The following C2orf76 variants were observed in gnomAD, a reference collection of about 807,000 sequenced individuals.
C2orf76 encodes the protein chromosome 2 open reading frame 76, also known as UPF0538 protein C2orf76.
Under a neutral mutation model 16.9 loss-of-function variants are expected in C2orf76, and 23 were observed. The ratio of observed to expected loss-of-function variants is 1.36; its 90% CI spans 0.98 to 1.93. The LOEUF is 1.93. Ranked by LOEUF, C2orf76 falls within the 30% of genes most tolerant of loss-of-function variation. The pLI is 0.00. For missense variants in C2orf76, 152 were observed against 152.6 expected, an observed-to-expected ratio of 1.00 and a Z score of 0.02; for synonymous variants, 48 against 52.3, an observed-to-expected ratio of 0.92 and a Z score of 0.35.
chr2:119,316,776 T>C (rs1210220608), intron 4 of C2orf76, among the ~76,000 whole-genome samples: 1 of 152,228 alleles, frequency 6.6e-6, no homozygotes, highest in Non-Finnish European at 1.5e-5. Flanking sequence ...GGAAGATTAC[T>C]GCTTTAATGA....
chr2:119,302,343 A>G lies in C2orf76; in HGVS notation c.*129T>C. On this transcript the variant is annotated 3_prime_UTR_variant, in exon 6 of 6. Coordinates refer to ENST00000334816, the MANE Select transcript of C2orf76 (RefSeq NM_001322331.2). ...AGGAAAGACCTGAAGAGAAAGAAATAACCAGATTTTAGCTCAAAGAGTATA... is the reference window on the plus strand; with the variant it reads ...AGGAAAGACCTGAAGAGAAAGAAATGACCAGATTTTAGCTCAAAGAGTATA... 2 of 449,010 alleles carry G rather than the reference A, an allele frequency of 4.5e-6. No individual in the cohort carries two copies. The highest frequency in any genetic ancestry group is 8.2e-6 in the Non-Finnish European group (2 of 244,104). 27.8% of individuals were successfully genotyped at this position (449,010 alleles called of 1,614,324 possible).
At position 119,305,792 on chromosome 2, in the gene C2orf76, A is replaced by G. The variant is rs558233333; in HGVS notation, c.305-3244T>C. Among the ~76,000 whole-genome samples, 4 of 152,234 alleles carry G rather than the reference A, an allele frequency of 2.6e-5. No homozygotes were observed. The South Asian group carries it at 6.2e-4, about 24-fold the overall frequency. ...TCAAAGCTGTGCTCACAGCTGAGTT[A>G]TATTTCTAAGTTTTCATCACCAACA... On this transcript the variant is annotated intron_variant, in intron 5 of 5. Coordinates refer to ENST00000334816, the MANE Select transcript of C2orf76 (RefSeq NM_001322331.2).
At chr2:119,313,367 T>A (rs1459882879) in intron 4 of C2orf76, among the ~76,000 whole-genome samples, 2 of 151,946 alleles carry the variant, frequency 1.3e-5, no homozygotes, top group Non-Finnish European at 2.9e-5. Flanking sequence ...GCAAGAGGAC[T>A]GTTTGAGCCC....
chr2:119,312,991 G>A (rs1307105505), intron 4 of C2orf76, among the ~76,000 whole-genome samples: 1 of 150,816 alleles, frequency 6.6e-6, no homozygotes, highest in African/African-American at 2.4e-5. Context: ...TTGCACTACT[G>A]CGCTCCAGCC....
intron 2 of C2orf76, among the ~76,000 whole-genome samples, chr2:119,333,992 T>C (rs1422716227): frequency 6.6e-6 from 1 of 152,062 alleles, no homozygotes; most frequent in East Asian, 1.9e-4. Context: ...GGGGTCATAC[T>C]GTGTTGTCCA....
At chr2:119,311,466 T>C in intron 5 of C2orf76, 156 bp downstream of exon 5, 1 of 985,368 alleles carries the variant, frequency 1.0e-6, no homozygotes, top group Non-Finnish European at 1.2e-6. Flanking sequence ...GGAATGCACA[T>C]CATTCTCATC....
Position 119,339,824 on chromosome 2 carries a change from T to A in C2orf76, c.133+3A>T. The A allele has an allele frequency of 6.3e-7, 1 of 1,595,374 alleles. No individual in the cohort carries two copies. Among genetic ancestry groups the A allele is most frequent in the Non-Finnish European group, 8.6e-7 (1 of 1,164,536 alleles). On this transcript the variant is annotated splice_donor_region_variant and intron_variant, in intron 2 of 5. Transcript: ENST00000334816. ...AAAACAAAATGGCTTTCACATCTCA[T>A]ACCTTGCTTTAGAAATACGATAAAT...
chr2:119,294,443 C>T, the C2orf76 span, among the ~76,000 whole-genome samples: 1 of 152,012 alleles, frequency 6.6e-6, no homozygotes, highest in Admixed American at 6.6e-5. Context: ...GAGAGCTGTC[C>T]GTATGCTGGT....
intron 5 of C2orf76, 116 bp downstream of exon 5, chr2:119,311,506 T>G: frequency 6.8e-7 from 1 of 1,463,392 alleles, no homozygotes. Flanking sequence ...CCGGGCAGTG[T>G]CAGGGGGACC....
chr2:119,360,036 TAC>T (rs1234876449), intron 1 of C2orf76, among the ~76,000 whole-genome samples: 1 of 152,196 alleles, frequency 6.6e-6, no homozygotes, highest in Non-Finnish European at 1.5e-5. Flanking sequence ...AACAAATTGC[TAC>T]AGCCACCCCA....
At chr2:119,316,635 A>G (rs981558701) in intron 4 of C2orf76, among the ~76,000 whole-genome samples, 7 of 134,740 alleles carry the variant, frequency 5.2e-5, no homozygotes, top group African/African-American at 1.8e-4. Flanking sequence ...TACAGAAGAC[A>G]ATGAAATAAA....
chr2:119,359,106 C>G (rs1680662255), intron 1 of C2orf76, among the ~76,000 whole-genome samples: 1 of 152,088 alleles, frequency 6.6e-6, no homozygotes, highest in South Asian at 2.1e-4. Context: ...TCTTAGGGCC[C>G]TTAAGAATTA....
intron 5 of C2orf76, 45 bp from the exon 6 acceptor site, chr2:119,302,593 T>A: frequency 8.2e-7 from 1 of 1,216,460 alleles, no homozygotes; most frequent in East Asian, 2.7e-5. Context: ...AATGTAAATC[T>A]AAATTTTAAA....
chr2:119,361,157 C>A (rs1205388886), intron 1 of C2orf76, among the ~76,000 whole-genome samples: 2 of 152,212 alleles, frequency 1.3e-5, no homozygotes, highest in African/African-American at 2.4e-5. Flanking sequence ...TCTCTCTAGG[C>A]TACAGTAGTC....
chr2:119,296,108 G>A, the C2orf76 span, among the ~76,000 whole-genome samples: 10 of 152,114 alleles, frequency 6.6e-5, no homozygotes, highest in South Asian at 2.1e-4. Context: ...GACAAATGTC[G>A]TGCCTTCCTC....
At chr2:119,367,134 G>C, upstream of C2orf76, 1 of 1,599,292 alleles carries the variant, frequency 6.3e-7, no homozygotes. Context: ...CCGGCTGCCA[G>C]AAGCTCTCGG....
chr2:119,364,714 A>T (rs1680868258), intron 1 of C2orf76, among the ~76,000 whole-genome samples: 1 of 152,202 alleles, frequency 6.6e-6, no homozygotes, highest in Non-Finnish European at 1.5e-5. Flanking sequence ...AAATAATTAC[A>T]ACATGTTACG....
intron 1 of C2orf76, among the ~76,000 whole-genome samples, chr2:119,347,488 G>A (rs1271449522): frequency 6.6e-6 from 1 of 152,086 alleles, no homozygotes. Context: ...TATCTTAAAA[G>A]ACTGAGGAAT....
intron 4 of C2orf76, among the ~76,000 whole-genome samples, chr2:119,312,415 A>AT (rs1169270935): frequency 6.6e-6 from 1 of 151,770 alleles, no homozygotes; most frequent in Non-Finnish European, 1.5e-5. Flanking sequence ...AGCCTGGCTA[A>AT]TTTTTTTTAT....
Sources: allele counts gnomAD v4.1 joint callset (sites outside exome capture counted in the v4.1 genomes callset), GRCh38; gene constraint gnomAD v4.1.1; transcripts MANE v1.5; gene names NCBI Gene and HGNC (gene_info 2026-07-23, HGNC 2026-07-21).